EXD1: variants seen among roughly 807,000 people sequenced by gnomAD.
The protein encoded by EXD1 is exonuclease 3'-5' domain containing 1, also known as piRNA biogenesis protein EXD1.
EXD1 carries 63 observed loss-of-function variants against 49.1 expected under a neutral mutation model. The ratio of observed to expected loss-of-function variants is 1.28; its 90% CI spans 1.05 to 1.58. EXD1 has a LOEUF of 1.58. Among genes scored for constraint, EXD1 ranks in the 40% most tolerant of loss-of-function variants. The pLI is 0.00. For missense variants in EXD1, 748 were observed against 666.0 expected (o/e 1.12, Z -1.36); for synonymous variants, 234 against 239.2 (o/e 0.98, Z 0.20).
intron 2 of EXD1, 123 bp downstream of exon 2, chr15:41,226,320 A>C (rs539232969): frequency 1.2e-4 from 109 of 934,638 alleles, no homozygotes; most frequent in Middle Eastern, 9.6e-4. Context: ...CAATATTCTA[A>C]CCTTCCTCCC....
intron 7 of EXD1, among the ~76,000 whole-genome samples, chr15:41,199,699 AC>A (rs369982639): frequency 1.9e-3 from 33 of 17,662 alleles, no homozygotes; most frequent in East Asian, 0.045. Flanking sequence ...GAGATATATT[AC>A]ATATATCATA....
At chr15:41,225,015 G>C (rs1763086368) in intron 2 of EXD1, among the ~76,000 whole-genome samples, 1 of 151,990 alleles carries the variant, frequency 6.6e-6, no homozygotes, top group South Asian at 2.1e-4. Context: ...GCCTGTTCTT[G>C]AGCTTTATCC....
chr15:41,216,377 A>G (rs2140893431), intron 5 of EXD1, among the ~76,000 whole-genome samples: 1 of 152,054 alleles, frequency 6.6e-6, no homozygotes, highest in South Asian at 2.1e-4. Flanking sequence ...CATGCCTTTA[A>G]TCACAACACT....
intron 6 of EXD1, among the ~76,000 whole-genome samples, chr15:41,213,087 A>G (rs562299937): frequency 4.4e-4 from 67 of 152,314 alleles, no homozygotes; most frequent in African/African-American, 1.6e-3. Context: ...GGCAATAAAA[A>G]TAAGTGAAAT....
intron 9 of EXD1, 73 bp downstream of exon 9, chr15:41,195,702 G>A: frequency 8.8e-7 from 1 of 1,134,092 alleles, no homozygotes; most frequent in Non-Finnish European, 1.2e-6. Context: ...TCACTCATCA[G>A]ATGACCAGAT....
Position 41,219,854 on chromosome 15 carries a change from A to C in EXD1, c.178T>G (p.Phe60Val). The C allele has an allele frequency of 6.5e-7, 1 of 1,535,924 alleles. No individual in the cohort carries two copies. Among genetic ancestry groups the C allele is most frequent in the Non-Finnish European group, 8.7e-7 (1 of 1,146,828 alleles). Residue 60 changes from phenylalanine to valine, a missense_variant, in exon 3 of 12, where the codon TTT becomes GTT. Phe to Val is a conservative substitution (Grantham distance 50, BLOSUM62 -1). Transcript: ENST00000458580. ...CCATTCACAATCTCATGCCCAAAAA[A>C]CAACTTCACTCCTGGGACACTTCGA... The part of the protein sequence containing the change: ...TGRSVPGVKL[F>V]FGHEIVNVEL...
At chr15:41,186,837 C>T (rs2046415619) in intron 11 of EXD1, among the ~76,000 whole-genome samples, 1 of 150,764 alleles carries the variant, frequency 6.6e-6, no homozygotes, top group Non-Finnish European at 1.5e-5. Flanking sequence ...TACAATGGTG[C>T]ACTCTCGGCT....
At chr15:41,197,372 C>A (rs369947167) in intron 7 of EXD1, among the ~76,000 whole-genome samples, 9 of 151,708 alleles carry the variant, frequency 5.9e-5, no homozygotes, top group African/African-American at 1.4e-4. Flanking sequence ...GGACTAAAGG[C>A]ACCTGCCACC....
chr15:41,202,168 T>TATA (rs1566982426), intron 7 of EXD1, among the ~76,000 whole-genome samples: 55 of 145,376 alleles, frequency 3.8e-4, no homozygotes, highest in African/African-American at 7.8e-4. Flanking sequence ...ATATATATAT[T>TATA]TTTTTTAATT....
At chr15:41,193,297 G>C (rs1385843537) in intron 9 of EXD1, among the ~76,000 whole-genome samples, 1 of 152,216 alleles carries the variant, frequency 6.6e-6, no homozygotes, top group African/African-American at 2.4e-5. Flanking sequence ...AGGGAATCAA[G>C]AAAGGAAGAT....
At chr15:41,226,741 T>C in intron 1 of EXD1, 113 bp from the exon 2 acceptor site, 1 of 877,988 alleles carries the variant, frequency 1.1e-6, no homozygotes, top group Non-Finnish European at 1.6e-6. Flanking sequence ...TAATTCAGTT[T>C]TGTTCATCTT....
chr15:41,230,525 C>T lies in EXD1; in HGVS notation c.-100G>A, dbSNP rs529663264. On this transcript the variant is annotated 5_prime_UTR_variant, in exon 1 of 12. Transcript: ENST00000458580. ...CCTCCATCGTTAGGGCTTTTTCCTC[C>T]GAAGGAAGTTTGGGAAATCTGGATC... 175 of 1,614,114 alleles carry T rather than the reference C, an allele frequency of 1.1e-4. No homozygotes were observed. Among genetic ancestry groups the T allele is most frequent in the South Asian group, 1.0e-3 (93 of 91,090 alleles).
intron 11 of EXD1, among the ~76,000 whole-genome samples, chr15:41,186,894 CT>C (rs374021562): frequency 1.1e-3 from 146 of 127,046 alleles, no homozygotes; most frequent in Admixed American, 8.9e-4. Flanking sequence ...TTTTTTTTTT[CT>C]TTTTTTTTTT....
rs535218286 is a variant in EXD1, at chr15:41,207,476, G to A, written c.534+2025C>T. On this transcript the variant is annotated intron_variant, in intron 7 of 11. Coordinates refer to ENST00000458580, the MANE Select transcript of EXD1 (RefSeq NM_001286441.2). ...AATTTCTTGAACCCGGGAGGTGGAG[G>A]TTGTGGTGAGCCGAGATCGTGACAC... is the stretch of plus-strand genomic sequence containing the variant. 2.1e-3 allele frequency among the ~76,000 whole-genome samples: 314 copies of A among 152,088 alleles called. 1 individual carries two copies. Among genetic ancestry groups the A allele is most frequent in the African/African-American group, 7.2e-3 (299 of 41,494 alleles).
chr15:41,226,457 A>G lies in EXD1; in HGVS notation c.119T>C (p.Val40Ala). 1 of 1,536,038 alleles carries G rather than the reference A, an allele frequency of 6.5e-7. No individual in the cohort carries two copies. The highest frequency in any genetic ancestry group is 8.7e-7 in the Non-Finnish European group (1 of 1,146,882). Residue 40 changes from valine (V) to alanine (A), a missense_variant, in exon 2 of 12, where the codon GTT becomes GCT. Coordinates refer to ENST00000458580, the MANE Select transcript of EXD1 (RefSeq NM_001286441.2). ...VLQHVDPNKI[V>A]VLKKVKNVET... is the part of the protein sequence containing the mutation. ...TAGAACAAGACCTTTCTTCAGGACAACAATCTTATTAGGGTCAACATGCTG... is the reference window on the plus strand; with the variant it reads ...TAGAACAAGACCTTTCTTCAGGACAGCAATCTTATTAGGGTCAACATGCTG...
chr15:41,209,438 G>GA lies in EXD1; in HGVS notation c.534+62dup, dbSNP rs141284371. ...AATACAGTTTTCAAAAAGAAGGAAAGAAAAAAATCTACCAGTGGCTCTATA... is the reference window on the plus strand; with the variant it reads ...AATACAGTTTTCAAAAAGAAGGAAAGAAAAAAAATCTACCAGTGGCTCTATA... On this transcript the variant is annotated intron_variant, in intron 7 of 11. Coordinates refer to ENST00000458580, the MANE Select transcript of EXD1 (RefSeq NM_001286441.2). 5 of 1,460,490 alleles carry GA rather than the reference G, an allele frequency of 3.4e-6. No homozygotes were observed. In the South Asian group the frequency reaches 3.6e-5, roughly 11 times the overall value. 90.5% of individuals were successfully genotyped at this position (1,460,490 alleles called of 1,614,324 possible).
chr15:41,212,552 AAC>A (rs2046938217), intron 6 of EXD1, among the ~76,000 whole-genome samples: 1 of 152,210 alleles, frequency 6.6e-6, no homozygotes, highest in Admixed American at 6.6e-5. Flanking sequence ...AAAAAAGTTA[AAC>A]ACAGAGTTAC....
chr15:41,230,383 T>C (rs2140915118), intron 1 of EXD1, 96 bp downstream of exon 1: 3 of 1,374,948 alleles, frequency 2.2e-6, no homozygotes, highest in Non-Finnish European at 2.1e-6. Context: ...GTGCCAGGCC[T>C]ACCTTTTTAA....
chr15:41,212,181 G>A (rs143344937), intron 6 of EXD1, among the ~76,000 whole-genome samples: 18 of 152,252 alleles, frequency 1.2e-4, no homozygotes, highest in Non-Finnish European at 2.2e-4. Context: ...TGGGCACAGT[G>A]GCTCACGCCT....
Sources: allele counts gnomAD v4.1 joint callset (sites outside exome capture counted in the v4.1 genomes callset), GRCh38; gene constraint gnomAD v4.1.1; transcripts MANE v1.5; gene names NCBI Gene and HGNC (gene_info 2026-07-23, HGNC 2026-07-21).